ERC2: variants seen among roughly 807,000 people sequenced by gnomAD.
The protein encoded by ERC2 is ELKS/RAB6-interacting/CAST family member 2.
Under a neutral mutation model 114.8 loss-of-function variants are expected in ERC2, and 42 were observed. The observed-to-expected ratio is 0.37, with a 90% CI of 0.29 to 0.47. The LOEUF (loss-of-function observed/expected upper bound fraction) is 0.47. ERC2 is among the 20% of genes least tolerant of loss of function. The pLI, the probability that ERC2 is intolerant of heterozygous loss-of-function variation, is 0.99. For synonymous variants in ERC2, 454 were observed against 425.5 expected (o/e 1.07, Z -0.82); for missense variants, 939 against 1,150.7 (o/e 0.82, Z 2.66).
At chr3:55,590,895 C>A (rs2057843137) in intron 17 of ERC2, among the ~76,000 whole-genome samples, 1 of 152,132 alleles carries the variant, frequency 6.6e-6, no homozygotes, top group Non-Finnish European at 1.5e-5. Flanking sequence ...ATGGTGCTAT[C>A]TCAGCTCACT....
intron 3 of ERC2, among the ~76,000 whole-genome samples, chr3:56,178,948 A>G (rs2083132825): frequency 6.6e-6 from 1 of 152,100 alleles, no homozygotes; most frequent in African/African-American, 2.4e-5. Flanking sequence ...TTAAGCAAAG[A>G]TCTAAAGCAG....
At chr3:56,072,532 G>T (rs1430454071) in intron 7 of ERC2, 1 of 152,086 alleles carries the variant, frequency 6.6e-6, no homozygotes, top group Non-Finnish European at 1.5e-5. Context: ...CACTAACCTG[G>T]ATTATACTTT....
intron 7 of ERC2, among the ~76,000 whole-genome samples, chr3:56,053,982 G>A (rs1453245567): frequency 1.3e-5 from 2 of 151,992 alleles, no homozygotes; most frequent in African/African-American, 4.8e-5. Context: ...ACCCCGAATA[G>A]GCTGAGATCA....
intron 13 of ERC2, among the ~76,000 whole-genome samples, chr3:55,914,880 A>G (rs1364496444): frequency 1.3e-5 from 2 of 152,220 alleles, no homozygotes; most frequent in African/African-American, 2.4e-5. Context: ...AGTGCTAACC[A>G]TACCAGCAGT....
intron 2 of ERC2, among the ~76,000 whole-genome samples, chr3:56,301,728 T>C (rs1190972219): frequency 6.6e-6 from 1 of 151,386 alleles, no homozygotes; most frequent in African/African-American, 2.4e-5. Context: ...AAAAAAAAAT[T>C]ACCAGATTTT....
intron 15 of ERC2, among the ~76,000 whole-genome samples, chr3:55,729,835 C>T (rs9821172): frequency 0.65 from 54,344 of 83,714 alleles, 15,260 homozygotes; most frequent in South Asian, 0.77. Context: ...GAGACTCTAT[C>T]GCAAAAAAAA....
intron 14 of ERC2, among the ~76,000 whole-genome samples, chr3:55,882,990 T>A (rs953836465): frequency 6.6e-6 from 1 of 152,252 alleles, no homozygotes; most frequent in African/African-American, 2.4e-5. Flanking sequence ...TTTATCTATT[T>A]ATCTATTCAT....
chr3:55,538,481 G>A (rs2054146753), intron 17 of ERC2, among the ~76,000 whole-genome samples: 1 of 152,236 alleles, frequency 6.6e-6, no homozygotes, highest in African/African-American at 2.4e-5. Flanking sequence ...CTGGGGACTG[G>A]GTTGGAGTTT....
chr3:56,254,392 T>C (rs1368095682), intron 3 of ERC2, among the ~76,000 whole-genome samples: 1 of 152,116 alleles, frequency 6.6e-6, no homozygotes, highest in Admixed American at 6.6e-5. Context: ...TTACATTCTG[T>C]GTATTTTCTG....
At chr3:55,877,378 C>T (rs1466148299) in intron 14 of ERC2, among the ~76,000 whole-genome samples, 1 of 152,176 alleles carries the variant, frequency 6.6e-6, no homozygotes, top group African/African-American at 2.4e-5. Flanking sequence ...ATGGAAAGAC[C>T]AGGTCAGGCG....
intron 10 of ERC2, among the ~76,000 whole-genome samples, chr3:55,993,175 C>T (rs1007742197): frequency 6.6e-6 from 1 of 151,982 alleles, no homozygotes; most frequent in African/African-American, 2.4e-5. Flanking sequence ...TTGACTTCTT[C>T]AAAGAGCAGG....
At chr3:56,331,403 C>T (rs1327179259) in intron 2 of ERC2, among the ~76,000 whole-genome samples, 2 of 152,108 alleles carry the variant, frequency 1.3e-5, no homozygotes, top group Non-Finnish European at 2.9e-5. Context: ...TTGCTGTATT[C>T]AGAGTTGAAC....
chr3:56,186,458 T>C (rs2083623661), intron 3 of ERC2, among the ~76,000 whole-genome samples: 2 of 152,206 alleles, frequency 1.3e-5, no homozygotes, highest in African/African-American at 4.8e-5. Context: ...TCATCTCCGA[T>C]GATAACAGTA....
intron 14 of ERC2, among the ~76,000 whole-genome samples, chr3:55,798,080 CAG>C (rs2070661973): frequency 6.6e-6 from 1 of 151,666 alleles, no homozygotes; most frequent in East Asian, 1.9e-4. Flanking sequence ...ATATGGAGGA[CAG>C]AAAAGGAAAG....
intron 14 of ERC2, among the ~76,000 whole-genome samples, chr3:55,789,542 C>T (rs538184839): frequency 6.6e-6 from 1 of 152,202 alleles, no homozygotes; most frequent in South Asian, 2.1e-4. Context: ...GACAAGAAAC[C>T]CAATACATAA....
intron 2 of ERC2, among the ~76,000 whole-genome samples, chr3:56,417,106 C>T (rs758359032): frequency 6.6e-6 from 1 of 152,176 alleles, no homozygotes; most frequent in Non-Finnish European, 1.5e-5. Context: ...TTTATAAAAA[C>T]CAATCAATCA....
chr3:56,457,271 A>T (rs2063107325), intron 1 of ERC2, among the ~76,000 whole-genome samples: 1 of 152,202 alleles, frequency 6.6e-6, no homozygotes, highest in Admixed American at 6.5e-5. Context: ...CCAACAAGTG[A>T]TGTGGAGTCC....
At chr3:56,422,381 C>T (rs1009572336) in intron 2 of ERC2, among the ~76,000 whole-genome samples, 2 of 152,120 alleles carry the variant, frequency 1.3e-5, no homozygotes, top group African/African-American at 2.4e-5. Context: ...CCTTTGCCAC[C>T]TGTGGTTTTA....
At chr3:56,117,195 C>G (rs1389598983) in intron 6 of ERC2, among the ~76,000 whole-genome samples, 1 of 152,188 alleles carries the variant, frequency 6.6e-6, no homozygotes, top group Non-Finnish European at 1.5e-5. Flanking sequence ...TGCAAATGCT[C>G]TCGCTGTGCT....
Sources: allele counts gnomAD v4.1 joint callset (sites outside exome capture counted in the v4.1 genomes callset), GRCh38; gene constraint gnomAD v4.1.1; transcripts MANE v1.5; gene names NCBI Gene and HGNC (gene_info 2026-07-23, HGNC 2026-07-21).